The following PLCL1 variants were observed in gnomAD, a reference collection of about 807,000 sequenced individuals.
The protein encoded by PLCL1 is phospholipase C like 1 (inactive), also known as inactive phospholipase C-like protein 1.
PLCL1 carries 41 observed loss-of-function variants against 84.4 expected under a neutral mutation model. The ratio of observed to expected loss-of-function variants is 0.49; its 90% CI spans 0.38 to 0.63. PLCL1 has a LOEUF of 0.63. Among genes scored for constraint, PLCL1 ranks in the 30% least tolerant of loss-of-function variants. PLCL1 has a pLI of 0.00. For synonymous variants in PLCL1, 490 were observed against 488.3 expected (o/e 1.00, Z -0.05); for missense variants, 1,206 against 1,367.8 (o/e 0.88, Z 1.87).
chr2:197,900,274 C>T (rs1688240097), intron 1 of PLCL1, among the ~76,000 whole-genome samples: 2 of 152,240 alleles, frequency 1.3e-5, no homozygotes, highest in South Asian at 4.2e-4. Flanking sequence ...ACCAACTTTA[C>T]AGAGGAAATA....
intron 1 of PLCL1, among the ~76,000 whole-genome samples, chr2:198,061,601 T>G (rs1182745181): frequency 6.6e-6 from 1 of 151,534 alleles, no homozygotes; most frequent in Admixed American, 6.6e-5. Flanking sequence ...GTATCGTCAT[T>G]ATTATTATTA....
chr2:197,910,455 T>G (rs1208298027), intron 1 of PLCL1, among the ~76,000 whole-genome samples: 1 of 152,234 alleles, frequency 6.6e-6, no homozygotes, highest in African/African-American at 2.4e-5. Context: ...CCCACGACCA[T>G]CTCAGAGATG....
chr2:197,933,310 C>CTGGA (rs1320111394), intron 1 of PLCL1, among the ~76,000 whole-genome samples: 2 of 143,852 alleles, frequency 1.4e-5, no homozygotes, highest in Non-Finnish European at 3.0e-5. Flanking sequence ...GTTGCCCAGG[C>CTGGA]TGGAGCGCAG....
At chr2:197,879,093 C>T (rs1212352024) in intron 1 of PLCL1, among the ~76,000 whole-genome samples, 1 of 152,192 alleles carries the variant, frequency 6.6e-6, no homozygotes, top group Non-Finnish European at 1.5e-5. Context: ...ACTTCATGTG[C>T]TCACACCCAG....
intron 1 of PLCL1, among the ~76,000 whole-genome samples, chr2:198,077,069 C>T (rs1245885085): frequency 6.6e-6 from 1 of 152,184 alleles, no homozygotes; most frequent in Non-Finnish European, 1.5e-5. Context: ...ATTTATTACT[C>T]TCTGCCTCTG....
At chr2:198,089,401 C>T (rs1347004987) in intron 3 of PLCL1, among the ~76,000 whole-genome samples, 1 of 152,158 alleles carries the variant, frequency 6.6e-6, no homozygotes, top group African/African-American at 2.4e-5. Context: ...GGGAAGTAAA[C>T]ATGTCTCAGT....
Position 197,898,937 on chromosome 2 carries a change from C to T in PLCL1, c.240+93598C>T, listed in dbSNP as rs144225953. The stretch of plus-strand genomic sequence containing the variant: ...ACCTGCCGTTCGATAAAGACTCACA[C>T]AATATTACTGGTTTTCTTATTGCCA... On this transcript the variant is annotated intron_variant, in intron 1 of 5. Transcript: ENST00000428675. Among the ~76,000 whole-genome samples, 59 of 152,174 alleles carry T rather than the reference C, an allele frequency of 3.9e-4. No homozygotes were observed. The East Asian group carries it at 9.3e-3, about 24-fold the overall frequency.
At chr2:198,107,227 C>G (rs1305741020) in intron 5 of PLCL1, among the ~76,000 whole-genome samples, 1 of 151,830 alleles carries the variant, frequency 6.6e-6, no homozygotes, top group Admixed American at 6.6e-5. Context: ...TGTGAGAACT[C>G]ACTCACTATT....
At chr2:198,038,471 T>C (rs919875611) in intron 1 of PLCL1, among the ~76,000 whole-genome samples, 1 of 152,166 alleles carries the variant, frequency 6.6e-6, no homozygotes, top group Admixed American at 6.5e-5. Flanking sequence ...AGTTTACTAC[T>C]AGTGTATTTT....
chr2:197,815,030 C>G (rs1690660493), intron 1 of PLCL1, among the ~76,000 whole-genome samples: 1 of 152,130 alleles, frequency 6.6e-6, no homozygotes, highest in Admixed American at 6.6e-5. Flanking sequence ...GAAGCTACAG[C>G]AAGTTCTCCA....
intron 1 of PLCL1, among the ~76,000 whole-genome samples, chr2:197,998,756 T>A (rs1690528272): frequency 2.0e-5 from 3 of 152,142 alleles, no homozygotes; most frequent in Admixed American, 2.0e-4. Context: ...ATTCACCCAC[T>A]CCTTTTTATG....
intron 5 of PLCL1, among the ~76,000 whole-genome samples, chr2:198,125,009 A>G (rs981002010): frequency 2.0e-5 from 3 of 152,126 alleles, no homozygotes; most frequent in East Asian, 1.9e-4. Context: ...ACATGTGGCT[A>G]GTGACTACCA....
chr2:197,836,542 G>A (rs1691193349), intron 1 of PLCL1, among the ~76,000 whole-genome samples: 1 of 149,508 alleles, frequency 6.7e-6, no homozygotes, highest in Admixed American at 6.7e-5. Flanking sequence ...ATAAATAAAA[G>A]GAGATTTAAC....
intron 5 of PLCL1, among the ~76,000 whole-genome samples, chr2:198,118,255 T>G (rs1006196854): frequency 5.9e-5 from 9 of 151,952 alleles, no homozygotes; most frequent in Non-Finnish European, 1.0e-4. Context: ...ATCACAGTTT[T>G]ATCAACCATA....
At chr2:198,111,974 TG>T (rs1693634961) in intron 5 of PLCL1, among the ~76,000 whole-genome samples, 1 of 151,880 alleles carries the variant, frequency 6.6e-6, no homozygotes, top group African/African-American at 2.4e-5. Flanking sequence ...CAGTAGTCAG[TG>T]GTTAGTGCAG....
At chr2:198,079,277 A>G (rs1692652827) in intron 1 of PLCL1, among the ~76,000 whole-genome samples, 1 of 151,442 alleles carries the variant, frequency 6.6e-6, no homozygotes. Flanking sequence ...TAAATATTTT[A>G]ATACAATTAT....
intron 1 of PLCL1, among the ~76,000 whole-genome samples, chr2:197,879,511 C>CA (rs1456522557): frequency 6.6e-6 from 1 of 151,990 alleles, no homozygotes; most frequent in Non-Finnish European, 1.5e-5. Flanking sequence ...GGCCTTAAGA[C>CA]AAAGAGTTGA....
chr2:198,085,967 A>T lies in PLCL1; in HGVS notation c.2450A>T (p.Glu817Val). 4 of 1,614,112 alleles carry T rather than the reference A, an allele frequency of 2.5e-6. No individual in the cohort carries two copies. The highest frequency in any genetic ancestry group is 2.5e-6 in the Non-Finnish European group (3 of 1,180,000). The change falls in exon 2 of 6, where the codon GAA (glutamate) becomes GTA (valine). Residue 817 changes from glutamate (E) to valine (V), a missense_variant. Glu to Val is a moderately radical substitution (Grantham distance 121). Coordinates refer to ENST00000428675, the MANE Select transcript of PLCL1 (RefSeq NM_006226.4). The surrounding 1 kb of genome is among the most constrained non-coding windows in gnomAD (Gnocchi z 5.3). ...ATAGGGCAATATACGATACCATTTG[A>T]ATGTTTGCAGCCTGGATATCGGCAT... ...EFIGQYTIPFECLQPGYRHVP... is the reference protein window; with the variant it reads ...EFIGQYTIPFVCLQPGYRHVP...
chr2:198,000,267 C>T (rs1454109694), intron 1 of PLCL1, among the ~76,000 whole-genome samples: 2 of 152,044 alleles, frequency 1.3e-5, no homozygotes, highest in African/African-American at 4.8e-5. Context: ...TTTGTTTGGA[C>T]TTATATTTAT....
Sources: allele counts gnomAD v4.1 joint callset (sites outside exome capture counted in the v4.1 genomes callset), GRCh38; gene constraint gnomAD v4.1.1; non-coding constraint Gnocchi (gnomAD v3.1); transcripts MANE v1.5; gene names NCBI Gene and HGNC (gene_info 2026-07-23, HGNC 2026-07-21).